GABRA4: variants seen among roughly 807,000 people sequenced by gnomAD.
GABRA4 encodes the protein gamma-aminobutyric acid type A receptor subunit alpha4.
GABRA4 carries 12 observed loss-of-function variants against 49.7 expected under a neutral mutation model. The ratio of observed to expected loss-of-function variants is 0.24; its 90% CI spans 0.15 to 0.39. GABRA4 has a LOEUF of 0.39. Ranked by LOEUF, GABRA4 falls within the 10% of genes least tolerant of loss-of-function variation. The probability of loss-of-function intolerance (pLI) is 1.00; values close to 1 mark genes in which losing one functional copy is unlikely to be tolerated. For missense variants in GABRA4, 506 were observed against 686.0 expected, an observed-to-expected ratio of 0.74 and a Z score of 2.93; for synonymous variants, 288 against 240.2, an observed-to-expected ratio of 1.20 and a Z score of -1.84.
chr4:46,988,939 C>G (rs1405723265), intron 2 of GABRA4, among the ~76,000 whole-genome samples: 1 of 152,190 alleles, frequency 6.6e-6, no homozygotes, highest in African/African-American at 2.4e-5. Flanking sequence ...TCTTTTCTAA[C>G]AGAATGATGA....
intron 8 of GABRA4, among the ~76,000 whole-genome samples, chr4:46,949,411 C>A (rs541439458): frequency 6.6e-6 from 1 of 152,140 alleles, no homozygotes; most frequent in East Asian, 1.9e-4. Context: ...ATTACCTAAT[C>A]TATTGGTCAA....
intron 8 of GABRA4, among the ~76,000 whole-genome samples, chr4:46,959,631 T>C (rs1722492879): frequency 6.6e-6 from 1 of 151,558 alleles, no homozygotes; most frequent in African/African-American, 2.4e-5. Flanking sequence ...AGGGAGCCCA[T>C]GGAAGATTAT....
chr4:46,929,563 G>C (rs1721355062), intron 8 of GABRA4, among the ~76,000 whole-genome samples: 1 of 152,016 alleles, frequency 6.6e-6, no homozygotes, highest in Non-Finnish European at 1.5e-5. Flanking sequence ...TTTGAAGAAA[G>C]TTGTGCAGTA....
chr4:46,976,760 T>C (rs1263866259), intron 5 of GABRA4, among the ~76,000 whole-genome samples: 2 of 151,852 alleles, frequency 1.3e-5, no homozygotes, highest in Non-Finnish European at 1.5e-5. Context: ...ACTTTCTGTG[T>C]AACACTACCA....
At chr4:46,976,005 C>G (rs1303803408) in intron 5 of GABRA4, among the ~76,000 whole-genome samples, 2 of 151,894 alleles carry the variant, frequency 1.3e-5, no homozygotes, top group Non-Finnish European at 2.9e-5. Context: ...CAGCAGGCAA[C>G]AGTTTCACAA....
At chr4:46,961,014 T>C (rs982154267) in intron 8 of GABRA4, among the ~76,000 whole-genome samples, 13 of 151,800 alleles carry the variant, frequency 8.6e-5, no homozygotes, top group African/African-American at 2.9e-4. Context: ...ACAGAGGGTA[T>C]AAATTTACCT....
At chr4:46,932,635 C>A (rs142824762) in intron 8 of GABRA4, among the ~76,000 whole-genome samples, 4 of 152,088 alleles carry the variant, frequency 2.6e-5, no homozygotes, top group Non-Finnish European at 5.9e-5. Context: ...TTTATTAGAA[C>A]CCAAACACTG....
At chr4:46,965,337 A>G in intron 7 of GABRA4, 108 bp from the exon 8 acceptor site, 1 of 870,754 alleles carries the variant, frequency 1.1e-6, no homozygotes, top group Non-Finnish European at 1.6e-6. Context: ...AGGGTTAACA[A>G]AACTACAATA....
chr4:46,943,299 C>G (rs1022045961), intron 8 of GABRA4, among the ~76,000 whole-genome samples: 1 of 152,116 alleles, frequency 6.6e-6, no homozygotes, highest in Non-Finnish European at 1.5e-5. Flanking sequence ...CTGCTTCCTT[C>G]TGCCTTATTC....
chr4:46,969,285 T>A (rs1002248803), intron 7 of GABRA4, among the ~76,000 whole-genome samples: 1 of 151,604 alleles, frequency 6.6e-6, no homozygotes, highest in African/African-American at 2.4e-5. Context: ...TGAGTTTTTT[T>A]ATGCGTAAAA....
At chr4:46,972,555 T>C (rs28588984) in intron 6 of GABRA4, among the ~76,000 whole-genome samples, 38,143 of 151,284 alleles carry the variant, frequency 0.25, 5,383 homozygotes, top group Admixed American at 0.4. Flanking sequence ...GCCACAAATA[T>C]ATACATCACC....
chr4:46,921,324 A>T lies in GABRA4; in HGVS notation c.*6901T>A, dbSNP rs888667825. 1 of 151,964 alleles carries T rather than the reference A, an allele frequency of 6.6e-6. No homozygotes were observed. The allele number at this position is 151,964 out of a possible 1,614,324, so 9.4% of individuals were successfully genotyped here. A position where few individuals can be genotyped will look rare whatever the true frequency, so the allele number is the denominator to read the frequency against. On this transcript the variant is annotated 3_prime_UTR_variant, in exon 9 of 9. Coordinates refer to ENST00000264318, the MANE Select transcript of GABRA4 (RefSeq NM_000809.4). ...ACAGGAAAATATAAACAGTGTAATA[A>T]ATTAACATTGGGATAGAAATACACG...
intron 8 of GABRA4, among the ~76,000 whole-genome samples, chr4:46,933,949 C>A (rs569131086): frequency 6.6e-6 from 1 of 152,094 alleles, no homozygotes; most frequent in South Asian, 2.1e-4. Flanking sequence ...AGGAGCAGAT[C>A]CAGGCAATTC....
intron 7 of GABRA4, among the ~76,000 whole-genome samples, chr4:46,966,121 T>C (rs2055941): frequency 0.52 from 78,999 of 151,460 alleles, 20,936 homozygotes; most frequent in East Asian, 0.7. Context: ...TTTAAGAATG[T>C]TAATATTTGA....
rs889887718 is a variant in GABRA4, at chr4:46,928,078, A to C, written c.*147T>G. On this transcript the variant is annotated 3_prime_UTR_variant, in exon 9 of 9. Coordinates refer to ENST00000264318, the MANE Select transcript of GABRA4 (RefSeq NM_000809.4). ...CACTTTTTCACTCAGGAATTAATTA[A>C]CTCTCCCAATAACTGGCTTATATCT... 14 of 657,646 alleles carry C rather than the reference A, an allele frequency of 2.1e-5. No individual in the cohort carries two copies. Among genetic ancestry groups the C allele is most frequent in the African/African-American group, 3.7e-5 (2 of 54,346 alleles). 40.7% of individuals were successfully genotyped at this position (657,646 alleles called of 1,614,324 possible). A position where few individuals can be genotyped will look rare whatever the true frequency, so the allele number is the denominator to read the frequency against.
At position 46,925,745 on chromosome 4, in the gene GABRA4, T is replaced by TATC. The variant is rs1319926615; in HGVS notation, c.*2479_*2480insGAT. ...TTATTATTATTATTATTATTATTAT[T>TATC]ATTATTATTATTATCATCATTATTA... On this transcript the variant is annotated 3_prime_UTR_variant, in exon 9 of 9. Transcript: ENST00000264318. 1 of 118,638 alleles carries TATC rather than the reference T, an allele frequency of 8.4e-6. No individual in the cohort carries two copies. Among genetic ancestry groups the TATC allele is most frequent in the East Asian group, 2.8e-4 (1 of 3,510 alleles). The allele number at this position is 118,638 out of a possible 1,614,324, so 7.3% of individuals were successfully genotyped here. A position where few individuals can be genotyped will look rare whatever the true frequency, so the allele number is the denominator to read the frequency against.
At chr4:46,965,353 A>G (rs920317247) in intron 7 of GABRA4, 124 bp from the exon 8 acceptor site, 11 of 720,762 alleles carry the variant, frequency 1.5e-5, no homozygotes, top group Admixed American at 9.3e-5. Flanking sequence ...CAATAACTCA[A>G]AGAAAACCAT....
chr4:46,963,706 C>T (rs1295606786), intron 8 of GABRA4, among the ~76,000 whole-genome samples: 5 of 151,764 alleles, frequency 3.3e-5, no homozygotes, highest in Admixed American at 2.0e-4. Flanking sequence ...GGTAAAGGTG[C>T]TCAACATCAC....
chr4:46,950,655 AC>A (rs1350061528), intron 8 of GABRA4, among the ~76,000 whole-genome samples: 1 of 151,672 alleles, frequency 6.6e-6, no homozygotes, highest in Non-Finnish European at 1.5e-5. Context: ...TAAGTGCCTA[AC>A]CCAGGCTTCC....
Sources: gnomAD v4.1 joint callset for allele counts (sites outside exome capture counted in the v4.1 genomes callset) on GRCh38, gnomAD v4.1.1 for gene constraint, MANE v1.5 for transcripts, NCBI Gene and HGNC (gene_info 2026-07-23, HGNC 2026-07-21) for gene names.